Variants in ADAMTS15 observed in about 807,000 individuals in gnomAD.
The protein encoded by ADAMTS15 is A disintegrin and metalloproteinase with thrombospondin motifs 15.
A neutral mutation model predicts 79.1 loss-of-function variants in ADAMTS15; 35 were observed. That is an observed-to-expected ratio of 0.44 (90% CI 0.34 to 0.59). The LOEUF (loss-of-function observed/expected upper bound fraction) is 0.59, where lower values mean the gene tolerates loss of function less well. Ranked by LOEUF, ADAMTS15 falls within the 20% of genes least tolerant of loss-of-function variation. The pLI, the probability that ADAMTS15 is intolerant of heterozygous loss-of-function variation, is 0.02. For synonymous variants in ADAMTS15, 616 were observed against 567.3 expected (o/e 1.09, Z -1.22); for missense variants, 1,324 against 1,318.7 (o/e 1.00, Z -0.06).
intron 1 of ADAMTS15, among the ~76,000 whole-genome samples, chr11:130,454,263 CT>C (rs1428027236): frequency 4.6e-5 from 7 of 152,186 alleles, no homozygotes; most frequent in African/African-American, 7.2e-5. Context: ...TCTCTTCCCC[CT>C]TATTCTCTTC....
chr11:130,450,316 T>G, intron 1 of ADAMTS15: 3 of 985,430 alleles, frequency 3.0e-6, no homozygotes, highest in Non-Finnish European at 3.6e-6. Flanking sequence ...CCACCCCTAT[T>G]GTATGGGCGG....
At chr11:130,456,867 T>C (rs1465332662) in intron 1 of ADAMTS15, among the ~76,000 whole-genome samples, 1 of 152,134 alleles carries the variant, frequency 6.6e-6, no homozygotes, top group Non-Finnish European at 1.5e-5. Flanking sequence ...GAGCTCTGGC[T>C]CTCCTGCCTA....
rs1446699522 is a variant in ADAMTS15, at chr11:130,449,998, C to G, written c.957+68C>G. 6.4e-7 allele frequency: 1 copy of G among 1,560,100 alleles called. No homozygotes were observed. Among genetic ancestry groups the G allele is most frequent in the Non-Finnish European group, 8.6e-7 (1 of 1,157,644 alleles). On this transcript the variant is annotated intron_variant, in intron 1 of 7. Coordinates refer to ENST00000299164, the MANE Select transcript of ADAMTS15 (RefSeq NM_139055.4). This position sits in a 1 kb window ranked among gnomAD's most constrained non-coding sequence, Gnocchi z 7.8. Reference sequence around the variant, plus strand: ...CTTTAGGGTCACCTCCCCTAGCGCTCCAAATCCCCTTTGTATCGTGCAATG... The same window carrying G: ...CTTTAGGGTCACCTCCCCTAGCGCTGCAAATCCCCTTTGTATCGTGCAATG...
At position 130,473,722 on chromosome 11, in the gene ADAMTS15, C is replaced by G. The variant is rs765421812; in HGVS notation, c.2754C>G (p.Leu918=). Residue 918 remains leucine, a synonymous_variant, in exon 8 of 8, where the codon CTC becomes CTG. Transcript: ENST00000299164. ...GCCGGGGATTTCAGAGGCGCTCACT[C>G]AAGTGTGTGGGCCACGGAGGCCGGC... ...SCGRGFQRRS[L]KCVGHGGRLL... 11 of 1,600,074 alleles carry G rather than the reference C, an allele frequency of 6.9e-6. No individual in the cohort carries two copies. In the Admixed American group the frequency reaches 1.8e-4, roughly 27 times the overall value.
intron 6 of ADAMTS15, 42 bp downstream of exon 6, chr11:130,471,143 C>T (rs1457818019): frequency 1.3e-6 from 2 of 1,594,760 alleles, no homozygotes; most frequent in South Asian, 2.3e-5. Context: ...GGGACCAGGT[C>T]TTCCGGGGAG....
At chr11:130,470,186 G>GTATATATATATATATATATATATGTA (rs1938416601) in intron 5 of ADAMTS15, among the ~76,000 whole-genome samples, 2 of 67,152 alleles carry the variant, frequency 3.0e-5, no homozygotes, top group South Asian at 7.8e-4. Flanking sequence ...ATATATGTGT[G>GTATATATATATATATATATATATGTA]TATATATATA....
chr11:130,470,162 A>ATATATATATATG (rs1938406224), intron 5 of ADAMTS15, among the ~76,000 whole-genome samples: 2 of 56,602 alleles, frequency 3.5e-5, no homozygotes, highest in Non-Finnish European at 6.7e-5. Context: ...GTGTATATAT[A>ATATATATATATG]TATATATATA....
chr11:130,450,469 G>T, intron 1 of ADAMTS15: 1 of 982,376 alleles, frequency 1.0e-6, no homozygotes, highest in African/African-American at 1.7e-5. Flanking sequence ...GGATTGGGGT[G>T]GAGGGAATCA....
rs771762580 is a variant in ADAMTS15, at chr11:130,462,460, C to T, written c.1259-37C>T. The T allele has an allele frequency of 1.9e-6, 3 of 1,551,856 alleles. No homozygotes were observed. The highest frequency in any genetic ancestry group is 8.7e-7 in the Non-Finnish European group (1 of 1,144,298). ...TCTGGGCTAGCCAAACCTCATCTTC[C>T]CAGCTCATCCTAACGAACGCCCTCG... On this transcript the variant is annotated intron_variant, in intron 3 of 7. Coordinates refer to ENST00000299164, the MANE Select transcript of ADAMTS15 (RefSeq NM_139055.4). The surrounding 1 kb of genome is among the most constrained non-coding windows in gnomAD (Gnocchi z 4.3).
chr11:130,450,016 G>A (rs974518099), intron 1 of ADAMTS15, 86 bp downstream of exon 1: 1 of 1,530,896 alleles, frequency 6.5e-7, no homozygotes, highest in Admixed American at 1.9e-5. Context: ...CCTTTGTATC[G>A]TGCAATGCCT....
rs1283283267 is a variant in ADAMTS15 at position 130,470,177 on chromosome 11, T to C, written c.1720+738T>C. Among the ~76,000 whole-genome samples, 105 of 60,626 alleles carry C rather than the reference T, an allele frequency of 1.7e-3. 1 individual carries two copies. Among genetic ancestry groups the C allele is most frequent in the African/African-American group, 8.6e-3 (79 of 9,200 alleles). The allele number at this position is 60,626 out of a possible 152,430, so 39.8% of individuals were successfully genotyped here. A position where few individuals can be genotyped will look rare whatever the true frequency, so the allele number is the denominator to read the frequency against. On this transcript the variant is annotated intron_variant, in intron 5 of 7. Coordinates refer to ENST00000299164, the MANE Select transcript of ADAMTS15 (RefSeq NM_139055.4). ...GTGTATATATATATATATATATATA[T>C]ATATGTGTGTATATATATATATATA...
Position 130,462,314 on chromosome 11 carries a change from C to G in ADAMTS15, c.1258+60C>G, listed in dbSNP as rs1938217419. On this transcript the variant is annotated intron_variant, in intron 3 of 7. Coordinates refer to ENST00000299164, the MANE Select transcript of ADAMTS15 (RefSeq NM_139055.4). The surrounding 1 kb of genome is among the most constrained non-coding windows in gnomAD (Gnocchi z 4.3). ...CTCGGAGGGGGCTTTGCTGCTGCCC[C>G]TGGTGGAGGTGCTCACTTCTCCGTC... 6.5e-7 allele frequency: 1 copy of G among 1,545,132 alleles called. No individual in the cohort carries two copies. The highest frequency in any genetic ancestry group is 8.7e-7 in the Non-Finnish European group (1 of 1,144,174).
chr11:130,461,545 G>A lies in ADAMTS15; in HGVS notation c.1014G>A (p.Met338Ile). 6.2e-7 allele frequency: 1 copy of A among 1,614,188 alleles called. No individual in the cohort carries two copies. Among genetic ancestry groups the A allele is most frequent in the Non-Finnish European group, 8.5e-7 (1 of 1,180,034 alleles). ...DTLGMADVGTMCDPKRSCSVI... is the reference protein window; with the variant it reads ...DTLGMADVGTICDPKRSCSVI... ...TGGGCATGGCTGATGTGGGTACCAT[G>A]TGTGACCCCAAGAGAAGCTGCTCTG... is the stretch of plus-strand genomic sequence containing the variant. The change falls in exon 2 of 8, where the codon ATG becomes ATA. Residue 338 changes from methionine (M) to isoleucine (I), a missense_variant. Coordinates refer to ENST00000299164, the MANE Select transcript of ADAMTS15 (RefSeq NM_139055.4).
chr11:130,470,854 G>A (rs1938435890), intron 5 of ADAMTS15, 66 bp from the exon 6 acceptor site: 1 of 1,536,550 alleles, frequency 6.5e-7, no homozygotes, highest in African/African-American at 1.4e-5. Context: ...CTGGGAGGGA[G>A]GCTTGTCCTT....
At chr11:130,464,205 T>C (rs1938258625) in intron 4 of ADAMTS15, among the ~76,000 whole-genome samples, 1 of 152,178 alleles carries the variant, frequency 6.6e-6, no homozygotes, top group East Asian at 1.9e-4. Flanking sequence ...AAGATGAGGC[T>C]GGAGGATGCA....
Position 130,462,475 on chromosome 11 carries a change from G to C in ADAMTS15, c.1259-22G>C, listed in dbSNP as rs369873244. On this transcript the variant is annotated intron_variant, in intron 3 of 7. Coordinates refer to ENST00000299164, the MANE Select transcript of ADAMTS15 (RefSeq NM_139055.4). This position sits in a 1 kb window ranked among gnomAD's most constrained non-coding sequence, Gnocchi z 4.3. ...CCTCATCTTCCCAGCTCATCCTAACGAACGCCCTCGGCTCTCTGCAGGTGA... is the reference window on the plus strand; with the variant it reads ...CCTCATCTTCCCAGCTCATCCTAACCAACGCCCTCGGCTCTCTGCAGGTGA... 1 of 1,562,392 alleles carries C rather than the reference G, an allele frequency of 6.4e-7. No individual in the cohort carries two copies. Among genetic ancestry groups the C allele is most frequent in the Non-Finnish European group, 8.7e-7 (1 of 1,149,434 alleles).
chr11:130,450,119 G>C, intron 1 of ADAMTS15, 189 bp downstream of exon 1: 1 of 985,486 alleles, frequency 1.0e-6, no homozygotes, highest in Non-Finnish European at 1.2e-6. Flanking sequence ...GGCGGCTCAC[G>C]TGCATCTGGG....
At chr11:130,451,316 A>G (rs1343856151) in intron 1 of ADAMTS15, among the ~76,000 whole-genome samples, 1 of 152,210 alleles carries the variant, frequency 6.6e-6, no homozygotes, top group Non-Finnish European at 1.5e-5. Context: ...GGAGTCTTCC[A>G]CAGTAACCCA....
chr11:130,451,742 GAGA>G (rs770246923), intron 1 of ADAMTS15, among the ~76,000 whole-genome samples: 4 of 152,180 alleles, frequency 2.6e-5, no homozygotes, highest in Admixed American at 1.3e-4. Context: ...TCAGCCCTAG[GAGA>G]AGAACTCCTG....
Sources: allele counts gnomAD v4.1 joint callset (sites outside exome capture counted in the v4.1 genomes callset), GRCh38; gene constraint gnomAD v4.1.1; non-coding constraint Gnocchi (gnomAD v3.1); transcripts MANE v1.5; gene names NCBI Gene and HGNC (gene_info 2026-07-23, HGNC 2026-07-21).